The following MARK1 variants were observed in gnomAD, a reference collection of about 807,000 sequenced individuals.
MARK1 encodes the protein microtubule affinity regulating kinase 1, also known as serine/threonine-protein kinase MARK1.
Under a neutral mutation model 96.3 loss-of-function variants are expected in MARK1, and 40 were observed. The ratio of observed to expected loss-of-function variants is 0.42; its 90% CI spans 0.32 to 0.54. MARK1 has a LOEUF of 0.54. Ranked by LOEUF, MARK1 falls within the 20% of genes least tolerant of loss-of-function variation. The pLI is 0.16. For synonymous variants in MARK1, 317 were observed against 341.2 expected, an observed-to-expected ratio of 0.93 and a Z score of 0.78; for missense variants, 719 against 984.6, an observed-to-expected ratio of 0.73 and a Z score of 3.61.
chr1:220,583,814 ATT>A (rs34848222), intron 3 of MARK1, among the ~76,000 whole-genome samples: 231 of 105,200 alleles, frequency 2.2e-3, no homozygotes, highest in African/African-American at 5.3e-3. Context: ...TGCCTGGCTA[ATT>A]TTTTTTTTTT....
At chr1:220,576,006 T>TCCCTCCCACC (rs1663812727) in intron 1 of MARK1, among the ~76,000 whole-genome samples, 1 of 24,908 alleles carries the variant, frequency 4.0e-5, no homozygotes. Context: ...TTTTCTTCTC[T>TCCCTCCCACC]CCCTCCCTCC....
intron 13 of MARK1, among the ~76,000 whole-genome samples, chr1:220,648,638 G>C (rs1668707857): frequency 6.6e-6 from 1 of 152,196 alleles, no homozygotes; most frequent in South Asian, 2.1e-4. Flanking sequence ...ATGTCATTGA[G>C]AATAGCCAGA....
At chr1:220,562,282 T>A (rs1206769032) in intron 1 of MARK1, among the ~76,000 whole-genome samples, 1 of 152,042 alleles carries the variant, frequency 6.6e-6, no homozygotes, top group Non-Finnish European at 1.5e-5. Flanking sequence ...CTGGCCAACG[T>A]GGCGAAACCC....
intron 17 of MARK1, among the ~76,000 whole-genome samples, chr1:220,661,034 A>G (rs570737489): frequency 2.0e-5 from 3 of 152,198 alleles, no homozygotes; most frequent in Non-Finnish European, 4.4e-5. Flanking sequence ...GAAAAAAGCA[A>G]AGGAGTTAGC....
At chr1:220,573,355 G>A (rs575624905) in intron 1 of MARK1, among the ~76,000 whole-genome samples, 251 of 151,948 alleles carry the variant, frequency 1.7e-3, no homozygotes, top group Middle Eastern at 6.8e-3. Flanking sequence ...ATGGAGTCTC[G>A]CTTTGTCGCC....
chr1:220,625,064 G>T (rs1357021125), intron 9 of MARK1, among the ~76,000 whole-genome samples: 1 of 152,190 alleles, frequency 6.6e-6, no homozygotes. Flanking sequence ...TCTGGATTCT[G>T]TCTTACCCAG....
intron 1 of MARK1, among the ~76,000 whole-genome samples, chr1:220,572,453 G>A (rs1029413179): frequency 6.6e-6 from 1 of 152,148 alleles, no homozygotes; most frequent in Non-Finnish European, 1.5e-5. Flanking sequence ...ATGTTGGTCA[G>A]GCTGGTCTTG....
intron 3 of MARK1, among the ~76,000 whole-genome samples, chr1:220,591,650 A>T (rs1441932870): frequency 6.6e-6 from 1 of 152,188 alleles, no homozygotes; most frequent in Non-Finnish European, 1.5e-5. Flanking sequence ...AAAGTGAGGA[A>T]TTATTAAAAG....
rs1358703597 is a variant in MARK1 at position 220,620,813 on chromosome 1, G to A, written c.909+2058G>A. Among the ~76,000 whole-genome samples, 4 of 152,032 alleles carry A rather than the reference G, an allele frequency of 2.6e-5. No individual in the cohort carries two copies. The East Asian group carries it at 5.8e-4, about 22-fold the overall frequency. ...GCTATGAAACCACGAGTCCCCACTG[G>A]AAATATTATATTATAGATATTACTA... On this transcript the variant is annotated intron_variant, in intron 9 of 17. Transcript: ENST00000366917.
At chr1:220,577,001 A>G (rs561903403) in intron 1 of MARK1, among the ~76,000 whole-genome samples, 4 of 152,228 alleles carry the variant, frequency 2.6e-5, no homozygotes, top group Non-Finnish European at 5.9e-5. Context: ...GCTTATGCCT[A>G]TATCTCAGCA....
chr1:220,636,633 GA>G lies in MARK1; in HGVS notation c.1470+611del, dbSNP rs1216552868. Reference sequence around the variant, plus strand: ...AAATAAAGAGGGAAGATTTCATTTTGAAAAGACCCAGAGTGACAAATAGAAG... The same window carrying G: ...AAATAAAGAGGGAAGATTTCATTTTGAAAGACCCAGAGTGACAAATAGAAG... On this transcript the variant is annotated intron_variant, in intron 13 of 17. Transcript: ENST00000366917. 7.2e-5 allele frequency among the ~76,000 whole-genome samples: 11 copies of G among 152,110 alleles called. No individual in the cohort carries two copies. In the East Asian group the frequency reaches 2.1e-3, roughly 29 times the overall value.
chr1:220,601,308 T>TG (rs1665732776), intron 5 of MARK1, among the ~76,000 whole-genome samples: 1 of 151,912 alleles, frequency 6.6e-6, no homozygotes, highest in Non-Finnish European at 1.5e-5. Context: ...CTTTTTTTTT[T>TG]TTTTGCAAAA....
chr1:220,630,690 T>C (rs895056710), intron 9 of MARK1, among the ~76,000 whole-genome samples: 1 of 152,206 alleles, frequency 6.6e-6, no homozygotes, highest in Non-Finnish European at 1.5e-5. Context: ...AAAATTATAA[T>C]CTCTGTATTA....
At chr1:220,658,854 C>A (rs1185012357) in intron 17 of MARK1, among the ~76,000 whole-genome samples, 2 of 152,256 alleles carry the variant, frequency 1.3e-5, no homozygotes, top group East Asian at 3.9e-4. Flanking sequence ...ACCTGAGTCA[C>A]CACAGTAGGG....
At chr1:220,647,825 A>C (rs990318390) in intron 13 of MARK1, among the ~76,000 whole-genome samples, 1 of 152,216 alleles carries the variant, frequency 6.6e-6, no homozygotes, top group Non-Finnish European at 1.5e-5. Context: ...TCTCACTTAT[A>C]AGTGGGAGCC....
At chr1:220,596,751 A>C (rs560987826) in intron 3 of MARK1, among the ~76,000 whole-genome samples, 1 of 152,154 alleles carries the variant, frequency 6.6e-6, no homozygotes, top group Admixed American at 6.5e-5. Context: ...TAAGTATACA[A>C]TTCAGTGGCA....
intron 1 of MARK1, among the ~76,000 whole-genome samples, chr1:220,541,499 T>G (rs1661144334): frequency 6.6e-6 from 1 of 152,204 alleles, no homozygotes; most frequent in Admixed American, 6.5e-5. Flanking sequence ...TATTCTATCA[T>G]TATCGAATGT....
At chr1:220,637,407 C>T (rs561298791) in intron 13 of MARK1, among the ~76,000 whole-genome samples, 1 of 152,260 alleles carries the variant, frequency 6.6e-6, no homozygotes, top group African/African-American at 2.4e-5. Context: ...AGAGCAGGCA[C>T]AGTGGCTCAC....
Position 220,640,566 on chromosome 1 carries a change from G to A in MARK1, c.1470+4540G>A, listed in dbSNP as rs542113061. Reference sequence around the variant, plus strand: ...CAACCATCACAGACTAGAAATGAAAGGAGTCTCTCTTAGTTCATTTTGTGT... The same window carrying A: ...CAACCATCACAGACTAGAAATGAAAAGAGTCTCTCTTAGTTCATTTTGTGT... On this transcript the variant is annotated intron_variant, in intron 13 of 17. Coordinates refer to ENST00000366917, the MANE Select transcript of MARK1 (RefSeq NM_018650.5). 2.0e-5 allele frequency among the ~76,000 whole-genome samples: 3 copies of A among 152,230 alleles called. No homozygotes were observed. The South Asian group carries it at 6.2e-4, about 32-fold the overall frequency.
Sources: gnomAD v4.1 joint callset for allele counts (sites outside exome capture counted in the v4.1 genomes callset) on GRCh38, gnomAD v4.1.1 for gene constraint, MANE v1.5 for transcripts, NCBI Gene and HGNC (gene_info 2026-07-23, HGNC 2026-07-21) for gene names.